ZNF124: variants seen among roughly 807,000 people sequenced by gnomAD.
ZNF124 encodes the protein zinc finger protein HZF-16.
Under a neutral mutation model 26.6 loss-of-function variants are expected in ZNF124, and 25 were observed. That is an observed-to-expected ratio of 0.94 (90% CI 0.68 to 1.31). ZNF124 has a LOEUF of 1.31. Ranked by LOEUF, ZNF124 falls within the 40% of genes most tolerant of loss-of-function variation. The pLI, the probability that ZNF124 is intolerant of heterozygous loss-of-function variation, is 0.00. For synonymous variants in ZNF124, 129 were observed against 133.3 expected, an observed-to-expected ratio of 0.97 and a Z score of 0.22; for missense variants, 444 against 422.2, an observed-to-expected ratio of 1.05 and a Z score of -0.45.
In ZNF124 at chr1:247,168,128, C is replaced by A. The variant is rs918789641; in HGVS notation, c.30+3720G>T. ...ATGGGAGTGTCAACTAGTACAACCG[C>A]CATGGAAAACAGTATGAAGATTCCT... is the stretch of plus-strand genomic sequence containing the variant. On this transcript the variant is annotated intron_variant, in intron 1 of 3. Transcript: ENST00000543802. The surrounding 1 kb of genome is among the most constrained non-coding windows in gnomAD (Gnocchi z 4.0). 6.6e-6 allele frequency among the ~76,000 whole-genome samples: 1 copy of A among 152,090 alleles called. No homozygotes were observed. The highest frequency in any genetic ancestry group is 2.4e-5 in the African/African-American group (1 of 41,388).
At chr1:247,166,661 T>C (rs1429968880) in intron 1 of ZNF124, among the ~76,000 whole-genome samples, 1 of 152,200 alleles carries the variant, frequency 6.6e-6, no homozygotes, top group Non-Finnish European at 1.5e-5. Context: ...TGGATAACAT[T>C]GATGAGGTGA....
intron 1 of ZNF124, among the ~76,000 whole-genome samples, chr1:247,169,226 T>C (rs957089018): frequency 3.9e-5 from 6 of 152,138 alleles, no homozygotes; most frequent in African/African-American, 7.2e-5. Context: ...CAGATATGTT[T>C]GACTCACATG....
At chr1:247,149,296 C>A (rs1381885984) in intron 3 of ZNF124, among the ~76,000 whole-genome samples, 1 of 152,160 alleles carries the variant, frequency 6.6e-6, no homozygotes, top group Non-Finnish European at 1.5e-5. Flanking sequence ...GGTGGCTCAT[C>A]ACAATATTAA....
intron 3 of ZNF124, among the ~76,000 whole-genome samples, chr1:247,128,568 TG>T (rs1301515270): frequency 1.3e-5 from 2 of 150,026 alleles, no homozygotes; most frequent in African/African-American, 4.9e-5. Context: ...AGGAGTCTCC[TG>T]GGATACTCTT....
downstream of ZNF124, among the ~76,000 whole-genome samples, chr1:247,151,160 G>A (rs1433530067): frequency 6.6e-6 from 1 of 152,134 alleles, no homozygotes; most frequent in East Asian, 1.9e-4. Context: ...ACAGCAACCA[G>A]AAGACTAAAT....
At chr1:247,138,077 C>A (rs939351058) in intron 3 of ZNF124, 2 of 152,144 alleles carry the variant, frequency 1.3e-5, no homozygotes, top group African/African-American at 4.8e-5. Context: ...ACCAGAAATA[C>A]CATTTGACTC....
At chr1:247,147,036 T>G (rs1167982029) in intron 3 of ZNF124, among the ~76,000 whole-genome samples, 2 of 152,116 alleles carry the variant, frequency 1.3e-5, no homozygotes, top group Non-Finnish European at 2.9e-5. Flanking sequence ...GTAGGAAACA[T>G]AGTGGAAATT....
intron 3 of ZNF124, chr1:247,138,065 G>C (rs1672530484): frequency 6.6e-6 from 1 of 152,084 alleles, no homozygotes. Flanking sequence ...CAAGGATCTA[G>C]AACCAGAAAT....
chr1:247,134,284 GC>G (rs1672435254), intron 3 of ZNF124, among the ~76,000 whole-genome samples: 2 of 152,202 alleles, frequency 1.3e-5, no homozygotes, highest in Non-Finnish European at 2.9e-5. Context: ...TGGGCTAAAA[GC>G]CCCAATTAAA....
At chr1:247,163,885 CCA>C (rs1558391845) in intron 1 of ZNF124, among the ~76,000 whole-genome samples, 1 of 152,052 alleles carries the variant, frequency 6.6e-6, no homozygotes, top group East Asian at 1.9e-4. Flanking sequence ...GATGAAAAAT[CCA>C]CAGATGTAAA....
At chr1:247,149,173 T>C (rs924085) in intron 3 of ZNF124, among the ~76,000 whole-genome samples, 19,943 of 152,176 alleles carry the variant, frequency 0.13, 1,859 homozygotes, top group African/African-American at 0.25. Context: ...GAAACGCTTA[T>C]ACAAGATGTG....
chr1:247,134,086 C>T (rs1238284178), intron 3 of ZNF124, among the ~76,000 whole-genome samples: 1 of 152,172 alleles, frequency 6.6e-6, no homozygotes. Context: ...GCCCGTGCTG[C>T]AAGAGCTCCT....
chr1:247,124,996 G>A (rs1021696639), intron 3 of ZNF124, among the ~76,000 whole-genome samples: 2 of 151,700 alleles, frequency 1.3e-5, no homozygotes, highest in Admixed American at 6.6e-5. Context: ...TAGTACAGAC[G>A]AGCTCTCATC....
rs1672381471 is a variant in ZNF124, at chr1:247,132,133, A to G, written c.219-8262T>C. ...GTGGCATCTCCAGGCATGGGAGTGA[A>G]TCAGATGAATACGCCTGAAGTGAAC... On this transcript the variant is annotated intron_variant, in intron 3 of 3. Coordinates refer to the ZNF124 transcript ENST00000472531. 5.3e-5 allele frequency among the ~76,000 whole-genome samples: 8 copies of G among 152,208 alleles called. No individual in the cohort carries two copies. In the South Asian group the frequency reaches 1.7e-3, roughly 32 times the overall value.
At chr1:247,148,510 T>C (rs1483341120) in intron 3 of ZNF124, among the ~76,000 whole-genome samples, 1 of 152,138 alleles carries the variant, frequency 6.6e-6, no homozygotes, top group African/African-American at 2.4e-5. Context: ...TGATGAAAAA[T>C]ATTTGATGGT....
chr1:247,164,450 T>C (rs1673662813), intron 1 of ZNF124, among the ~76,000 whole-genome samples: 1 of 152,230 alleles, frequency 6.6e-6, no homozygotes, highest in African/African-American at 2.4e-5. Context: ...AGCATTTCTA[T>C]ACACGAATAA....
chr1:247,152,936 A>G (rs1175817427), downstream of ZNF124, among the ~76,000 whole-genome samples: 2 of 152,162 alleles, frequency 1.3e-5, no homozygotes, highest in South Asian at 2.1e-4. Flanking sequence ...GATCAAGACC[A>G]TCCTGGCTAA....
intron 1 of ZNF124, among the ~76,000 whole-genome samples, chr1:247,167,462 T>C (rs938888420): frequency 1.2e-4 from 18 of 152,222 alleles, no homozygotes; most frequent in Admixed American, 1.0e-3. Flanking sequence ...TGTGTGGAAA[T>C]GTATTCACTT....
At chr1:247,149,258 TTGATA>T (rs1672864666) in intron 3 of ZNF124, among the ~76,000 whole-genome samples, 1 of 152,220 alleles carries the variant, frequency 6.6e-6, no homozygotes, top group Admixed American at 6.5e-5. Flanking sequence ...TATGAGAATA[TTGATA>T]CAGCCATTAT....
Sources: gnomAD v4.1 joint callset for allele counts (sites outside exome capture counted in the v4.1 genomes callset) on GRCh38, gnomAD v4.1.1 for gene constraint, Gnocchi (gnomAD v3.1) non-coding constraint, MANE v1.5 for transcripts, NCBI Gene and HGNC (gene_info 2026-07-23, HGNC 2026-07-21) for gene names.